DTNB: variants seen among roughly 807,000 people sequenced by gnomAD.
DTNB encodes the protein dystrobrevin beta, also known as DTN-B.
In DTNB, 63 loss-of-function variants were observed where a neutral mutation model predicts 90.7. The observed-to-expected ratio is 0.69, with a 90% CI of 0.57 to 0.86. The LOEUF is 0.86. Ranked by LOEUF, DTNB falls within the 40% of genes least tolerant of loss-of-function variation. DTNB has a pLI of 0.00. For missense variants in DTNB, 744 were observed against 807.1 expected (o/e 0.92, Z 0.95); for synonymous variants, 277 against 286.7 (o/e 0.97, Z 0.34).
chr2:25,521,796 A>G (rs1353682083), intron 9 of DTNB, among the ~76,000 whole-genome samples: 1 of 152,272 alleles, frequency 6.6e-6, no homozygotes, highest in East Asian at 1.9e-4. Context: ...TTGTTAGATC[A>G]TGAGGGACAG....
At chr2:25,392,494 C>A (rs904964772) in intron 16 of DTNB, among the ~76,000 whole-genome samples, 1 of 152,052 alleles carries the variant, frequency 6.6e-6, no homozygotes, top group African/African-American at 2.4e-5. Context: ...ATTGATAGAC[C>A]ATTAGCAAGA....
intron 9 of DTNB, among the ~76,000 whole-genome samples, chr2:25,496,776 G>A (rs1035913154): frequency 2.0e-5 from 3 of 151,168 alleles, no homozygotes; most frequent in Non-Finnish European, 2.9e-5. Flanking sequence ...CCGGGAGGCC[G>A]ATGTTGCAAT....
chr2:25,381,013 G>T (rs1172141702), intron 19 of DTNB, among the ~76,000 whole-genome samples: 2 of 152,252 alleles, frequency 1.3e-5, no homozygotes, highest in Non-Finnish European at 2.9e-5. Flanking sequence ...CCAGGGCAAG[G>T]CCTCAGTGGC....
rs1187048198 is a variant in DTNB, at chr2:25,628,086, C to T, written c.362+85G>A. 1.7e-5 allele frequency: 25 copies of T among 1,453,464 alleles called. No homozygotes were observed. In the Admixed American group the frequency reaches 3.0e-4, roughly 18 times the overall value. The allele number at this position is 1,453,464 out of a possible 1,614,324, so 90.0% of individuals were successfully genotyped here. The stretch of plus-strand genomic sequence containing the variant: ...CTAAGTTGCCAGCTTAGCAAGGCAA[C>T]TTAGCACGGCAGTATGGAAGAAGAA... On this transcript the variant is annotated intron_variant, in intron 4 of 20. Transcript: ENST00000406818.
chr2:25,411,889 T>C (rs1386015924), intron 16 of DTNB, among the ~76,000 whole-genome samples: 1 of 152,148 alleles, frequency 6.6e-6, no homozygotes, highest in Non-Finnish European at 1.5e-5. Flanking sequence ...GGAAGTAGAC[T>C]CAGGCTTCTA....
intron 5 of DTNB, among the ~76,000 whole-genome samples, chr2:25,603,678 A>T (rs2148480160): frequency 6.6e-6 from 1 of 152,336 alleles, no homozygotes; most frequent in East Asian, 1.9e-4. Flanking sequence ...AAAAAAAAGT[A>T]GAAATGCTAA....
intron 16 of DTNB, among the ~76,000 whole-genome samples, chr2:25,414,674 C>A (rs966350270): frequency 3.3e-5 from 5 of 152,204 alleles, no homozygotes; most frequent in African/African-American, 1.2e-4. Flanking sequence ...ATAATTAATA[C>A]AATTATTAAT....
intron 8 of DTNB, among the ~76,000 whole-genome samples, chr2:25,563,410 T>C (rs1204106542): frequency 1.3e-5 from 2 of 152,248 alleles, no homozygotes; most frequent in Non-Finnish European, 2.9e-5. Flanking sequence ...GTTATCTTTT[T>C]ACTTTCTTGA....
intron 11 of DTNB, among the ~76,000 whole-genome samples, chr2:25,454,769 A>G (rs1301442771): frequency 6.6e-6 from 1 of 152,242 alleles, no homozygotes; most frequent in Non-Finnish European, 1.5e-5. Context: ...ACAGTGAGTC[A>G]CTACCGCAGT....
At chr2:25,441,912 A>G (rs925891367) in intron 12 of DTNB, among the ~76,000 whole-genome samples, 1 of 152,202 alleles carries the variant, frequency 6.6e-6, no homozygotes, top group African/African-American at 2.4e-5. Context: ...TTTAATCTGC[A>G]TTCTGGCTAG....
At chr2:25,414,754 G>A (rs1053773625) in intron 16 of DTNB, among the ~76,000 whole-genome samples, 1 of 152,086 alleles carries the variant, frequency 6.6e-6, no homozygotes, top group Admixed American at 6.5e-5. Flanking sequence ...AATATTTATT[G>A]AGTATCTACT....
intron 4 of DTNB, among the ~76,000 whole-genome samples, chr2:25,610,147 G>T (rs1432189526): frequency 6.6e-6 from 1 of 152,118 alleles, no homozygotes; most frequent in Non-Finnish European, 1.5e-5. Flanking sequence ...GTCTCCCTCT[G>T]TCGCCCAGGC....
At chr2:25,669,989 C>T (rs898247397) in intron 1 of DTNB, among the ~76,000 whole-genome samples, 1 of 152,030 alleles carries the variant, frequency 6.6e-6, no homozygotes, top group Non-Finnish European at 1.5e-5. Flanking sequence ...ATGGTTATAG[C>T]CCCATCAGTT....
In DTNB at chr2:25,574,914, G is replaced by A. The variant is rs76943242; in HGVS notation, c.876+1924C>T. On this transcript the variant is annotated intron_variant, in intron 8 of 20. Transcript: ENST00000406818. Reference sequence around the variant, plus strand: ...AGTGCTGTGAGGGTCAAACAGAAATGTAAGAATTCATTTGTGATTTGTATA... The same window carrying A: ...AGTGCTGTGAGGGTCAAACAGAAATATAAGAATTCATTTGTGATTTGTATA... Among the ~76,000 whole-genome samples, 998 of 152,226 alleles carry A rather than the reference G, an allele frequency of 6.6e-3. 12 individuals are homozygous for A. Among genetic ancestry groups the A allele is most frequent in the African/African-American group, 0.023 (950 of 41,520 alleles).
At chr2:25,511,391 G>A (rs1575238936) in intron 9 of DTNB, among the ~76,000 whole-genome samples, 2 of 151,966 alleles carry the variant, frequency 1.3e-5, no homozygotes, top group East Asian at 3.9e-4. Context: ...GGAGTGCAAT[G>A]CGCGATCTTG....
intron 12 of DTNB, among the ~76,000 whole-genome samples, chr2:25,438,236 A>G (rs1483331747): frequency 1.3e-5 from 2 of 152,222 alleles, no homozygotes; most frequent in African/African-American, 2.4e-5. Context: ...CCTGGGCCAC[A>G]CTGGAAGAAC....
intron 16 of DTNB, among the ~76,000 whole-genome samples, chr2:25,408,258 G>A (rs959660167): frequency 1.3e-4 from 19 of 151,648 alleles, no homozygotes; most frequent in Middle Eastern, 6.8e-3. Context: ...GCGGTGAGCC[G>A]AGATCGTGCC....
At chr2:25,620,220 G>A (rs763762534) in intron 4 of DTNB, among the ~76,000 whole-genome samples, 2 of 151,830 alleles carry the variant, frequency 1.3e-5, no homozygotes, top group Non-Finnish European at 1.5e-5. Context: ...CTCCAGGAGC[G>A]TAATTAGAGG....
chr2:25,575,759 T>C (rs915103281), intron 8 of DTNB, among the ~76,000 whole-genome samples: 1 of 152,206 alleles, frequency 6.6e-6, no homozygotes, highest in Admixed American at 6.5e-5. Flanking sequence ...ATTATACTTC[T>C]GACCTTACAT....
Sources: allele counts gnomAD v4.1 joint callset (sites outside exome capture counted in the v4.1 genomes callset), GRCh38; gene constraint gnomAD v4.1.1; transcripts MANE v1.5; gene names NCBI Gene and HGNC (gene_info 2026-07-23, HGNC 2026-07-21).